MACROD2: variants seen among roughly 807,000 people sequenced by gnomAD.
The protein encoded by MACROD2 is ADP-ribose glycohydrolase MACROD2.
Under a neutral mutation model 70.4 loss-of-function variants are expected in MACROD2, and 36 were observed. The ratio of observed to expected loss-of-function variants is 0.51; its 90% CI spans 0.39 to 0.68. MACROD2 has a LOEUF of 0.68. Ranked by LOEUF, MACROD2 falls within the 30% of genes least tolerant of loss-of-function variation. MACROD2 has a pLI of 0.00. For missense variants in MACROD2, 496 were observed against 538.4 expected (o/e 0.92, Z 0.78); for synonymous variants, 172 against 178.8 (o/e 0.96, Z 0.30).
chr20:14,666,522 A>G (rs2070738358), intron 4 of MACROD2, among the ~76,000 whole-genome samples: 1 of 152,032 alleles, frequency 6.6e-6, no homozygotes, highest in Non-Finnish European at 1.5e-5. Context: ...TATTTTTAAC[A>G]TCTTGTGTTT....
At chr20:14,539,033 G>C (rs2085400169) in intron 4 of MACROD2, among the ~76,000 whole-genome samples, 1 of 152,134 alleles carries the variant, frequency 6.6e-6, no homozygotes, top group African/African-American at 2.4e-5. Context: ...CATATGACTG[G>C]CTAACTGCTG....
intron 15 of MACROD2, among the ~76,000 whole-genome samples, chr20:16,005,750 T>C (rs2066779539): frequency 6.6e-6 from 1 of 152,216 alleles, no homozygotes; most frequent in Non-Finnish European, 1.5e-5. Flanking sequence ...AGCACAGTTG[T>C]TGTTGCCTAG....
intron 7 of MACROD2, among the ~76,000 whole-genome samples, chr20:15,441,190 A>T (rs949532813): frequency 6.6e-6 from 1 of 152,322 alleles, no homozygotes; most frequent in Non-Finnish European, 1.5e-5. Flanking sequence ...TAACATTCTC[A>T]TTCACAGAAA....
intron 5 of MACROD2, among the ~76,000 whole-genome samples, chr20:14,825,089 T>C (rs1284379441): frequency 2.6e-5 from 4 of 152,090 alleles, no homozygotes; most frequent in Admixed American, 2.6e-4. Flanking sequence ...AACCACATGG[T>C]CCATTGTCAC....
chr20:15,432,628 G>A (rs1050459415), intron 7 of MACROD2, among the ~76,000 whole-genome samples: 1 of 151,858 alleles, frequency 6.6e-6, no homozygotes, highest in Admixed American at 6.6e-5. Flanking sequence ...TCTTTATTTC[G>A]CCTTATGTAG....
chr20:15,312,659 T>A (rs2146150506), intron 6 of MACROD2, among the ~76,000 whole-genome samples: 1 of 152,346 alleles, frequency 6.6e-6, no homozygotes. Context: ...TGCTTATGTT[T>A]ATATAAAAAC....
intron 10 of MACROD2, among the ~76,000 whole-genome samples, chr20:15,895,835 T>C (rs2064963372): frequency 1.3e-5 from 2 of 152,210 alleles, no homozygotes; most frequent in African/African-American, 4.8e-5. Context: ...GTTGAGAACT[T>C]TGAACCGCAT....
intron 5 of MACROD2, among the ~76,000 whole-genome samples, chr20:14,890,625 G>A (rs1156910721): frequency 6.6e-6 from 1 of 151,892 alleles, no homozygotes; most frequent in African/African-American, 2.4e-5. Flanking sequence ...AGCCAGGCAT[G>A]GTGGCACATT....
intron 2 of MACROD2, among the ~76,000 whole-genome samples, chr20:14,065,169 C>A (rs2053741097): frequency 6.6e-6 from 1 of 152,154 alleles, no homozygotes; most frequent in African/African-American, 2.4e-5. Flanking sequence ...CTATAGACTT[C>A]CATTCCTGTT....
intron 13 of MACROD2, among the ~76,000 whole-genome samples, chr20:15,984,998 T>A (rs372026956): frequency 5.3e-5 from 8 of 152,268 alleles, no homozygotes; most frequent in East Asian, 1.9e-4. Context: ...GGCTTACAGG[T>A]TACCTTGTGC....
chr20:15,515,225 A>T (rs2047551662), intron 8 of MACROD2, among the ~76,000 whole-genome samples: 2 of 152,242 alleles, frequency 1.3e-5, no homozygotes, highest in Admixed American at 1.3e-4. Flanking sequence ...AGAGCTGAAT[A>T]GTCATTTGTG....
At chr20:15,522,658 C>T (rs886133062) in intron 8 of MACROD2, among the ~76,000 whole-genome samples, 1 of 152,080 alleles carries the variant, frequency 6.6e-6, no homozygotes, top group Admixed American at 6.5e-5. Context: ...AATTTGACTG[C>T]CAGCCCAGCA....
chr20:14,601,086 A>AATATAT (rs377022195), intron 4 of MACROD2, among the ~76,000 whole-genome samples: 1 of 151,612 alleles, frequency 6.6e-6, no homozygotes, highest in Non-Finnish European at 1.5e-5. Context: ...TAAATCACAT[A>AATATAT]ATATATATAT....
At chr20:14,726,035 C>T (rs764575109) in intron 5 of MACROD2, among the ~76,000 whole-genome samples, 4 of 151,996 alleles carry the variant, frequency 2.6e-5, no homozygotes, top group Non-Finnish European at 4.4e-5. Flanking sequence ...ATTATAGGAA[C>T]AAAGGAAATT....
At chr20:14,302,376 T>C (rs2082482207) in intron 3 of MACROD2, among the ~76,000 whole-genome samples, 1 of 152,218 alleles carries the variant, frequency 6.6e-6, no homozygotes. Context: ...GGATATTCTC[T>C]GACTTCACTT....
intron 5 of MACROD2, among the ~76,000 whole-genome samples, chr20:15,046,624 C>T (rs867834826): frequency 6.6e-5 from 10 of 152,148 alleles, no homozygotes; most frequent in South Asian, 4.1e-4. Context: ...TCTGGCTGTC[C>T]GTTCCCAGTC....
At chr20:15,649,125 C>T (rs1600712162) in intron 8 of MACROD2, among the ~76,000 whole-genome samples, 1 of 117,948 alleles carries the variant, frequency 8.5e-6, no homozygotes, top group Admixed American at 9.5e-5. Flanking sequence ...CCCCTCCCCT[C>T]CCTTCCCTTC....
intron 5 of MACROD2, among the ~76,000 whole-genome samples, chr20:14,999,993 C>G (rs944153793): frequency 2.6e-5 from 4 of 152,100 alleles, no homozygotes; most frequent in Non-Finnish European, 4.4e-5. Flanking sequence ...TATATCTGTA[C>G]AAACTTTAAG....
intron 4 of MACROD2, among the ~76,000 whole-genome samples, chr20:14,665,655 A>G (rs1322631348): frequency 1.3e-5 from 2 of 151,954 alleles, no homozygotes; most frequent in African/African-American, 2.4e-5. Flanking sequence ...GTTCAATCAT[A>G]TTGGAATAAT....
Sources: gnomAD v4.1 joint callset for allele counts (sites outside exome capture counted in the v4.1 genomes callset) on GRCh38, gnomAD v4.1.1 for gene constraint, MANE v1.5 for transcripts, NCBI Gene and HGNC (gene_info 2026-07-23, HGNC 2026-07-21) for gene names.